The following UBE2G2 variants were observed in gnomAD, a reference collection of about 807,000 sequenced individuals.
UBE2G2 encodes ubiquitin-conjugating enzyme E2 G2.
UBE2G2 carries 10 observed loss-of-function variants against 23.0 expected under a neutral mutation model. That is an observed-to-expected ratio of 0.43 (90% CI 0.27 to 0.74). The LOEUF is 0.74. Ranked by LOEUF, UBE2G2 falls within the 30% of genes least tolerant of loss-of-function variation. The pLI, the probability that UBE2G2 is intolerant of heterozygous loss-of-function variation, is 0.19. For synonymous variants in UBE2G2, 86 were observed against 81.3 expected (o/e 1.06, Z -0.31); for missense variants, 150 against 218.3 (o/e 0.69, Z 1.97).
In UBE2G2 at chr21:44,773,673, T is replaced by C; in HGVS notation, c.259A>G (p.Arg87Gly). The C allele has an allele frequency of 6.2e-7, 1 of 1,612,440 alleles. No individual in the cohort carries two copies. The change falls in exon 5 of 6, where the codon AGA becomes GGA. Residue 87 changes from arginine (R) to glycine (G), a missense_variant. By Grantham distance (125) the Arg-to-Gly change is moderately radical. Transcript: ENST00000345496. ...GCGTGGAGGATGGAAATGCAGACTC[T>C]CCCATCAGGGTAGACTGCAAGGGTC... ...MFHPNIYPDGRVCISILHAPG... is the reference protein window; with the variant it reads ...MFHPNIYPDGGVCISILHAPG...
intron 4 of UBE2G2, among the ~76,000 whole-genome samples, chr21:44,776,188 A>G (rs73232943): frequency 0.077 from 11,684 of 152,274 alleles, 579 homozygotes; most frequent in Non-Finnish European, 0.11. Context: ...AGGAAAAAAT[A>G]AAAACTACAG....
chr21:44,778,167 G>A (rs1371287958), intron 3 of UBE2G2, among the ~76,000 whole-genome samples: 2 of 152,234 alleles, frequency 1.3e-5, no homozygotes, highest in African/African-American at 2.4e-5. Context: ...CAGATGTGGG[G>A]CTAAGAGTTG....
chr21:44,779,159 A>G (rs1555960973), intron 3 of UBE2G2: 1 of 403,154 alleles, frequency 2.5e-6, no homozygotes, highest in South Asian at 1.8e-5. Flanking sequence ...GGCGGCACTC[A>G]GGGCTGTCGG....
Position 44,771,566 on chromosome 21 carries a change from T to A in UBE2G2, c.386-77A>T. ...AGCCTGGCAAGGTCTCCCATTTATT[T>A]AAAACACTGGCGGGGGCTTTCAAGA... On this transcript the variant is annotated intron_variant, in intron 5 of 5. Coordinates refer to ENST00000345496, the MANE Select transcript of UBE2G2 (RefSeq NM_003343.6). This position sits in a 1 kb window ranked among gnomAD's most constrained non-coding sequence, Gnocchi z 4.6. The A allele has an allele frequency of 6.9e-7, 1 of 1,440,130 alleles. No individual in the cohort carries two copies. The highest frequency in any genetic ancestry group is 9.6e-7 in the Non-Finnish European group (1 of 1,036,298). 89.2% of individuals were successfully genotyped at this position (1,440,130 alleles called of 1,614,324 possible).
At chr21:44,796,724 G>C (rs1312473322) in intron 1 of UBE2G2, among the ~76,000 whole-genome samples, 1 of 152,162 alleles carries the variant, frequency 6.6e-6, no homozygotes, top group African/African-American at 2.4e-5. Context: ...ACACAGCATG[G>C]GCCAGCTAGT....
At chr21:44,789,010 A>T (rs1472829269) in intron 1 of UBE2G2, among the ~76,000 whole-genome samples, 1 of 152,186 alleles carries the variant, frequency 6.6e-6, no homozygotes, top group Admixed American at 6.5e-5. Flanking sequence ...CAGTTGCTGA[A>T]TATGAGGCAT....
At chr21:44,775,553 A>T (rs1176624131) in intron 4 of UBE2G2, 3 of 152,230 alleles carry the variant, frequency 2.0e-5, no homozygotes, top group African/African-American at 7.2e-5. Flanking sequence ...TAAGGCAAAA[A>T]TTTATATTAT....
intron 3 of UBE2G2, among the ~76,000 whole-genome samples, chr21:44,787,376 C>A (rs1166713399): frequency 1.3e-5 from 2 of 152,020 alleles, no homozygotes; most frequent in African/African-American, 4.8e-5. Flanking sequence ...TGTCTTGGGT[C>A]GGAAAGAACA....
chr21:44,777,374 T>G lies in UBE2G2; in HGVS notation c.169A>C (p.Ile57Leu). The G allele has an allele frequency of 6.2e-7, 1 of 1,614,118 alleles. No individual in the cohort carries two copies. Among genetic ancestry groups the G allele is most frequent in the South Asian group, 1.1e-5 (1 of 91,082 alleles). Residue 57 changes from isoleucine to leucine, a missense_variant, in exon 4 of 6, where the codon ATC becomes CTC. Coordinates refer to ENST00000345496, the MANE Select transcript of UBE2G2 (RefSeq NM_003343.6). ...TCFEFGVFPA[I>L]LSFPLDYPLS... The stretch of plus-strand genomic sequence containing the variant: ...GGGTAATCAAGTGGGAAACTCAGGA[T>G]GGCAGGAAAAACACCAAACTCAAAG...
chr21:44,778,502 T>C (rs2082930656), intron 3 of UBE2G2, among the ~76,000 whole-genome samples: 1 of 152,238 alleles, frequency 6.6e-6, no homozygotes, highest in African/African-American at 2.4e-5. Context: ...CAAGTATAAA[T>C]TAACACTATC....
intron 3 of UBE2G2, chr21:44,785,870 C>A (rs1044323505): frequency 2.2e-4 from 33 of 152,248 alleles, no homozygotes; most frequent in African/African-American, 8.0e-4. Context: ...AAGCCTTGTT[C>A]AAACACAGAA....
Position 44,773,185 on chromosome 21 carries a change from T to G in UBE2G2, c.385+362A>C, listed in dbSNP as rs1014012884. 4.6e-5 allele frequency among the ~76,000 whole-genome samples: 7 copies of G among 152,096 alleles called. No individual in the cohort carries two copies. The East Asian group carries it at 1.3e-3, about 29-fold the overall frequency. On this transcript the variant is annotated intron_variant, in intron 5 of 5. Coordinates refer to ENST00000345496, the MANE Select transcript of UBE2G2 (RefSeq NM_003343.6). ...CACTGGCCTCTAACTGCTGGTAGGC[T>G]TGGACAGTTCCCTAGAACGTAGGAA...
chr21:44,796,997 T>G (rs2083095398), intron 1 of UBE2G2, among the ~76,000 whole-genome samples: 1 of 152,228 alleles, frequency 6.6e-6, no homozygotes, highest in African/African-American at 2.4e-5. Flanking sequence ...TCCTTCACGG[T>G]AATCCAGAAT....
intron 3 of UBE2G2, among the ~76,000 whole-genome samples, chr21:44,785,314 G>A (rs2082987457): frequency 6.6e-6 from 1 of 152,086 alleles, no homozygotes; most frequent in South Asian, 2.1e-4. Context: ...AGTTATTCCC[G>A]GTGTTTAAAG....
intron 1 of UBE2G2, among the ~76,000 whole-genome samples, chr21:44,799,597 C>A (rs910314018): frequency 2.6e-5 from 4 of 152,224 alleles, no homozygotes; most frequent in Admixed American, 2.0e-4. Flanking sequence ...AGAGTTAGGA[C>A]CTTGCTCTGG....
Position 44,769,600 on chromosome 21 carries a change from G to C in UBE2G2, c.*1777C>G, listed in dbSNP as rs1419434977. The C allele has an allele frequency of 1.3e-5, 2 of 152,086 alleles. No individual in the cohort carries two copies. The highest frequency in any genetic ancestry group is 1.9e-4 in the East Asian group (1 of 5,176). 9.4% of individuals were successfully genotyped at this position (152,086 alleles called of 1,614,324 possible). The stretch of plus-strand genomic sequence containing the variant: ...TTTCACTGTTAGCCAGGATGGTCGC[G>C]ATCTCCTGACCTCATGATCCGCCCG... On this transcript the variant is annotated 3_prime_UTR_variant, in exon 6 of 6. Coordinates refer to ENST00000345496, the MANE Select transcript of UBE2G2 (RefSeq NM_003343.6).
chr21:44,788,059 C>A lies in UBE2G2; in HGVS notation c.79+1G>T. 1 of 1,611,626 alleles carries A rather than the reference C, an allele frequency of 6.2e-7. No homozygotes were observed. ...TAAGGAAGTTAACTTTGGTACCTTA[C>A]CTGCTACAATTCCTTCCGGAGGATT... On this transcript the variant is annotated splice_donor_variant, in intron 2 of 5. Coordinates refer to ENST00000345496, the MANE Select transcript of UBE2G2 (RefSeq NM_003343.6). LOFTEE classifies it high-confidence loss of function.
chr21:44,771,456 G>A lies in UBE2G2; in HGVS notation c.419C>T (p.Ala140Val), dbSNP rs1555959932. Reference sequence around the variant, plus strand: ...CCGGTCATCGCGCCACATTTTGGACGCATCCACGTTAGCTCCACTTTCGTC... The same window carrying A: ...CCGGTCATCGCGCCACATTTTGGACACATCCACGTTAGCTCCACTTTCGTC... ...PNDESGANVD[A>V]SKMWRDDREQ... Residue 140 changes from alanine to valine, a missense_variant, in exon 6 of 6, where the codon GCG becomes GTG. By Grantham distance (64) the Ala-to-Val change is moderately conservative. Transcript: ENST00000345496. This position sits in a 1 kb window ranked among gnomAD's most constrained non-coding sequence, Gnocchi z 4.6. 3 of 1,612,582 alleles carry A rather than the reference G, an allele frequency of 1.9e-6. No homozygotes were observed. The highest frequency in any genetic ancestry group is 2.5e-6 in the Non-Finnish European group (3 of 1,180,030).
intron 1 of UBE2G2, chr21:44,801,306 C>A: frequency 1.9e-6 from 2 of 1,031,848 alleles, no homozygotes; most frequent in Non-Finnish European, 2.3e-6. Flanking sequence ...CACCAACGAG[C>A]CTTTCCCCTT....
Sources: allele counts gnomAD v4.1 joint callset (sites outside exome capture counted in the v4.1 genomes callset), GRCh38; gene constraint gnomAD v4.1.1; non-coding constraint Gnocchi (gnomAD v3.1); transcripts MANE v1.5; gene names NCBI Gene and HGNC (gene_info 2026-07-23, HGNC 2026-07-21).